Variants in BBS7 observed in about 807,000 individuals in gnomAD.
The protein encoded by BBS7 is BBSome complex member BBS7.
Under a neutral mutation model 90.3 loss-of-function variants are expected in BBS7, and 50 were observed. That is an observed-to-expected ratio of 0.55 (90% CI 0.44 to 0.70). The LOEUF (loss-of-function observed/expected upper bound fraction) is 0.70, where lower values mean the gene tolerates loss of function less well. BBS7 is among the 30% of genes least tolerant of loss of function. The pLI is 0.00. For synonymous variants in BBS7, 235 were observed against 287.4 expected, an observed-to-expected ratio of 0.82 and a Z score of 1.85; for missense variants, 729 against 838.9, an observed-to-expected ratio of 0.87 and a Z score of 1.62.
At chr4:121,866,616 TG>T (rs1289105569) in intron 2 of BBS7, among the ~76,000 whole-genome samples, 1 of 152,060 alleles carries the variant, frequency 6.6e-6, no homozygotes, top group Admixed American at 6.6e-5. Context: ...GGGTGAGAGG[TG>T]GGGGTCTTGG....
intron 5 of BBS7, among the ~76,000 whole-genome samples, chr4:121,855,832 A>G (rs1726592784): frequency 6.6e-6 from 1 of 151,764 alleles, no homozygotes. Flanking sequence ...ACATATATAC[A>G]CATATGTATA....
At chr4:121,870,212 A>C (rs948216379) in intron 1 of BBS7, 66 bp downstream of exon 1, 50 of 1,601,128 alleles carry the variant, frequency 3.1e-5, no homozygotes, top group Non-Finnish European at 4.0e-5. Flanking sequence ...CGTCAGTGGA[A>C]GGAAGGAATC....
At chr4:121,850,813 C>A (rs1490120800) in intron 8 of BBS7, among the ~76,000 whole-genome samples, 2 of 152,172 alleles carry the variant, frequency 1.3e-5, no homozygotes, top group African/African-American at 2.4e-5. Flanking sequence ...TAGTACTCTT[C>A]ACCTACCCTA....
chr4:121,869,810 A>G (rs1172556671), intron 1 of BBS7, among the ~76,000 whole-genome samples: 2 of 152,194 alleles, frequency 1.3e-5, no homozygotes, highest in Non-Finnish European at 2.9e-5. Flanking sequence ...AAGTGCTGGG[A>G]TAACAGGCGT....
intron 2 of BBS7, among the ~76,000 whole-genome samples, chr4:121,866,500 A>C (rs1430145330): frequency 6.6e-6 from 1 of 151,934 alleles, no homozygotes; most frequent in Non-Finnish European, 1.5e-5. Flanking sequence ...CCTGACCTCA[A>C]GTGATCCACT....
At chr4:121,835,346 T>G in intron 13 of BBS7, 63 bp from the exon 14 acceptor site, 2 of 1,584,198 alleles carry the variant, frequency 1.3e-6, no homozygotes, top group Non-Finnish European at 1.7e-6. Context: ...ATCTTTAGAA[T>G]GTTCAACATA....
chr4:121,854,783 G>A lies in BBS7; in HGVS notation c.639C>T (p.Asp213=), dbSNP rs150407489. The change falls in exon 7 of 19, where the codon GAC becomes GAT. Residue 213 remains aspartate (D), a synonymous_variant. Coordinates refer to ENST00000264499, the MANE Select transcript of BBS7 (RefSeq NM_176824.3). ...TAATCTGTATAAGCGCAAGTTTTCC[G>A]TCTGATGTCCCAAACAAAAGGTCTT... The part of the protein sequence containing the change: ...SGEDLLFGTS[D]GKLALIQITT... 311 of 1,612,446 alleles carry A rather than the reference G, an allele frequency of 1.9e-4. 1 individual carries two copies. The South Asian group carries it at 2.6e-3, about 13-fold the overall frequency.
intron 13 of BBS7, among the ~76,000 whole-genome samples, chr4:121,836,745 G>A (rs1002280606): frequency 2.0e-5 from 3 of 152,078 alleles, no homozygotes; most frequent in African/African-American, 7.2e-5. Flanking sequence ...ATTTTCCTAA[G>A]TGGCTGTAAC....
chr4:121,833,592 C>T (rs1560642887), intron 14 of BBS7, among the ~76,000 whole-genome samples, 197 bp from the exon 15 acceptor site: 1 of 152,148 alleles, frequency 6.6e-6, no homozygotes, highest in Non-Finnish European at 1.5e-5. Context: ...CCTATACCTG[C>T]ACCTGTGCTA....
chr4:121,861,550 G>T lies in BBS7; in HGVS notation c.295C>A (p.Gln99Lys). ...EIRGFTKRGK[Q>K]FLSFETNLTE... ...AGGTTTGTTTCAAAGGAGAGGAACT[G>T]TTTTCCTCTTTTTGTGAAGCCTCTA... Residue 99 changes from glutamine to lysine, a missense_variant, in exon 4 of 19, where the codon CAG (glutamine) becomes AAG (lysine). Gln to Lys is a moderately conservative substitution (Grantham distance 53). Coordinates refer to ENST00000264499, the MANE Select transcript of BBS7 (RefSeq NM_176824.3). 6.2e-7 allele frequency: 1 copy of T among 1,613,660 alleles called. No homozygotes were observed. Among genetic ancestry groups the T allele is most frequent in the South Asian group, 1.1e-5 (1 of 91,062 alleles).
intron 5 of BBS7, among the ~76,000 whole-genome samples, chr4:121,855,873 T>C (rs1726617647): frequency 7.0e-6 from 1 of 143,506 alleles, no homozygotes; most frequent in African/African-American, 2.8e-5. Context: ...TATATATGTA[T>C]ATGTACATAT....
intron 8 of BBS7, among the ~76,000 whole-genome samples, chr4:121,850,118 T>A (rs886853133): frequency 7.9e-5 from 12 of 152,124 alleles, no homozygotes; most frequent in South Asian, 2.1e-4. Flanking sequence ...TATTTTTTTT[T>A]ATTTATTTAT....
In BBS7 at chr4:121,839,737, T is replaced by A. The variant is rs778990201; in HGVS notation, c.1306-41A>T. The A allele has an allele frequency of 8.4e-6, 13 of 1,539,544 alleles. No homozygotes were observed. The South Asian group carries it at 1.3e-4, about 16-fold the overall frequency. ...AGTGGAGGAAAAGAATGAATCCATG[T>A]TTTTAGCAACAAAAAAAAGACATCA... On this transcript the variant is annotated intron_variant, in intron 12 of 18. Transcript: ENST00000264499.
At chr4:121,838,102 TAAA>T in intron 13 of BBS7, among the ~76,000 whole-genome samples, 1 of 144,896 alleles carries the variant, frequency 6.9e-6, no homozygotes, top group Admixed American at 6.8e-5. Flanking sequence ...AGACTCCATC[TAAA>T]AAAAAAAAAA....
chr4:121,863,465 A>G (rs1174329379), intron 2 of BBS7, among the ~76,000 whole-genome samples, 186 bp from the exon 3 acceptor site: 2 of 152,162 alleles, frequency 1.3e-5, no homozygotes, highest in East Asian at 3.9e-4. Flanking sequence ...GGATATGGAG[A>G]GTCATTAGAA....
intron 5 of BBS7, among the ~76,000 whole-genome samples, chr4:121,856,691 C>T (rs1726693156): frequency 6.6e-6 from 1 of 151,088 alleles, no homozygotes; most frequent in African/African-American, 2.4e-5. Flanking sequence ...GCCTGGGCGA[C>T]AGAGCAAGAC....
intron 10 of BBS7, 51 bp downstream of exon 10, chr4:121,847,353 C>T (rs1258726171): frequency 8.2e-7 from 1 of 1,216,736 alleles, no homozygotes; most frequent in Middle Eastern, 1.9e-4. Flanking sequence ...AAAGCAACAA[C>T]CACACACTTC....
intron 2 of BBS7, among the ~76,000 whole-genome samples, chr4:121,863,684 C>T (rs1173177715): frequency 2.0e-5 from 3 of 152,016 alleles, no homozygotes; most frequent in South Asian, 2.1e-4. Flanking sequence ...TTAAGATTAA[C>T]TTTTAAAACA....
rs1477910844 is a variant in BBS7 at position 121,829,291 on chromosome 4, G to A, written c.1677-563C>T. Among the ~76,000 whole-genome samples, 3 of 149,586 alleles carry A rather than the reference G, an allele frequency of 2.0e-5. No homozygotes were observed. The South Asian group carries it at 6.3e-4, about 31-fold the overall frequency. On this transcript the variant is annotated intron_variant, in intron 15 of 18. Coordinates refer to ENST00000264499, the MANE Select transcript of BBS7 (RefSeq NM_176824.3). ...CATTCTGTTGCCAGGCTGGAGTGCA[G>A]TGGCGTGATCTCCACTCACTACAAC...
Sources: gnomAD v4.1 joint callset for allele counts (sites outside exome capture counted in the v4.1 genomes callset) on GRCh38, gnomAD v4.1.1 for gene constraint, MANE v1.5 for transcripts, NCBI Gene and HGNC (gene_info 2026-07-23, HGNC 2026-07-21) for gene names.